The following LARGE1 variants were observed in gnomAD, a reference collection of about 807,000 sequenced individuals.
LARGE1 encodes xylosyl- and glucuronyltransferase LARGE1.
LARGE1 carries 43 observed loss-of-function variants against 87.6 expected under a neutral mutation model. The observed-to-expected ratio is 0.49, with a 90% confidence interval of 0.38 to 0.63. The LOEUF (loss-of-function observed/expected upper bound fraction) is 0.63. LARGE1 is among the 30% of genes least tolerant of loss of function. The pLI, the probability that LARGE1 is intolerant of heterozygous loss-of-function variation, is 0.00. For synonymous variants in LARGE1, 434 were observed against 394.6 expected (o/e 1.10, Z -1.18); for missense variants, 802 against 1,000.2 (o/e 0.80, Z 2.67).
At chr22:33,089,762 C>T in the LARGE1 span, among the ~76,000 whole-genome samples, 1 of 73,648 alleles carries the variant, frequency 1.4e-5, no homozygotes, top group Non-Finnish European at 2.4e-5. Flanking sequence ...CTCCCAAATG[C>T]TGGGATTACA....
At chr22:33,314,719 G>A (rs764242082) in intron 11 of LARGE1, among the ~76,000 whole-genome samples, 5 of 152,160 alleles carry the variant, frequency 3.3e-5, no homozygotes, top group Non-Finnish European at 7.3e-5. Flanking sequence ...TGTAGGAGCT[G>A]AGGGGGGATG....
chr22:33,663,698 T>C (rs542574263), intron 2 of LARGE1, among the ~76,000 whole-genome samples: 2 of 152,280 alleles, frequency 1.3e-5, no homozygotes, highest in South Asian at 4.1e-4. Flanking sequence ...CTTTCTGAAA[T>C]TGCTGGTGAA....
intron 9 of LARGE1, among the ~76,000 whole-genome samples, chr22:33,370,916 C>A (rs2064784537): frequency 6.7e-6 from 1 of 149,068 alleles, no homozygotes; most frequent in Non-Finnish European, 1.5e-5. Context: ...GAATAGTATT[C>A]ATATAACATA....
the LARGE1 span, among the ~76,000 whole-genome samples, chr22:33,152,808 G>T: frequency 6.6e-6 from 1 of 152,056 alleles, no homozygotes; most frequent in Non-Finnish European, 1.5e-5. Flanking sequence ...ACATATGTTA[G>T]TTCTTTAGAT....
At chr22:33,509,740 T>C (rs913648535) in intron 6 of LARGE1, among the ~76,000 whole-genome samples, 2 of 152,176 alleles carry the variant, frequency 1.3e-5, no homozygotes, top group Non-Finnish European at 2.9e-5. Flanking sequence ...GTGTGTGCCA[T>C]TGCGTCCAAG....
At chr22:33,282,216 A>G (rs1292100273) in intron 13 of LARGE1, among the ~76,000 whole-genome samples, 3 of 152,198 alleles carry the variant, frequency 2.0e-5, no homozygotes, top group East Asian at 1.9e-4. Flanking sequence ...ATGGTGGCAC[A>G]TGCCTGTAAT....
chr22:33,073,061 C>G, the LARGE1 span, among the ~76,000 whole-genome samples: 5 of 152,188 alleles, frequency 3.3e-5, no homozygotes, highest in Admixed American at 1.3e-4. Flanking sequence ...ATGGGAACAT[C>G]ATGTCAACTC....
At chr22:33,343,714 T>G (rs75181978) in intron 9 of LARGE1, among the ~76,000 whole-genome samples, 2,069 of 152,260 alleles carry the variant, frequency 0.014, 23 homozygotes, top group Non-Finnish European at 0.019. Flanking sequence ...ATTATCTTCA[T>G]TTTACAGAGG....
downstream of LARGE1, among the ~76,000 whole-genome samples, chr22:33,271,863 A>T (rs1441294188): frequency 6.6e-6 from 1 of 152,232 alleles, no homozygotes; most frequent in African/African-American, 2.4e-5. Flanking sequence ...TTACAGTGTA[A>T]GGCACCTGTC....
Position 33,198,636 on chromosome 22 carries a change from GACACACAC to G in LARGE1, c.1731-31812_1731-31805del, listed in dbSNP as rs71187250. ...CTTTTATAGTATATATATACACCGT[GACACACAC>G]ACACACACACACACACACACACACA... On this transcript the variant is annotated intron_variant, in intron 11 of 11. Transcript: ENST00000608642. Among the ~76,000 whole-genome samples, 880 of 137,712 alleles carry G rather than the reference GACACACAC, an allele frequency of 6.4e-3. 6 individuals carry two copies. Among genetic ancestry groups the G allele is most frequent in the African/African-American group, 9.9e-3 (327 of 32,928 alleles). 90.3% of individuals were successfully genotyped at this position (137,712 alleles called of 152,430 possible).
intron 2 of LARGE1, among the ~76,000 whole-genome samples, chr22:33,652,484 C>A (rs1034215078): frequency 6.6e-6 from 1 of 152,062 alleles, no homozygotes; most frequent in African/African-American, 2.4e-5. Flanking sequence ...AAGGCATACC[C>A]AAAGCTATCA....
intron 6 of LARGE1, among the ~76,000 whole-genome samples, chr22:33,434,658 C>T (rs1333532162): frequency 6.6e-6 from 1 of 152,162 alleles, no homozygotes; most frequent in Non-Finnish European, 1.5e-5. Context: ...AGGTCATCTT[C>T]AGATATCTGA....
At chr22:33,708,042 T>C (rs963148733) in intron 2 of LARGE1, among the ~76,000 whole-genome samples, 2 of 152,114 alleles carry the variant, frequency 1.3e-5, no homozygotes, top group African/African-American at 4.8e-5. Flanking sequence ...TCCAAGCTGC[T>C]GAGAAGGATC....
At chr22:33,080,010 C>A in the LARGE1 span, among the ~76,000 whole-genome samples, 4 of 152,118 alleles carry the variant, frequency 2.6e-5, no homozygotes, top group Non-Finnish European at 4.4e-5. Flanking sequence ...TTTCTTAGAG[C>A]CAGAGGTGGC....
At chr22:33,516,746 C>T (rs957964315) in intron 6 of LARGE1, among the ~76,000 whole-genome samples, 20 of 152,074 alleles carry the variant, frequency 1.3e-4, no homozygotes, top group South Asian at 4.2e-4. Context: ...GGCGCCACCA[C>T]GCCTGGCTAA....
At chr22:33,398,844 G>C (rs566830036) in intron 7 of LARGE1, among the ~76,000 whole-genome samples, 1 of 152,132 alleles carries the variant, frequency 6.6e-6, no homozygotes, top group South Asian at 2.1e-4. Context: ...GGAATGCCTG[G>C]TGCTACCAGA....
intron 14 of LARGE1, 103 bp downstream of exon 14, chr22:33,276,938 TCCTCAAGCATATCTTGTTC>T: frequency 1.1e-6 from 1 of 931,320 alleles, no homozygotes. Flanking sequence ...CTACCACTGG[TCCTCAAGCATATCTTGTTC>T]CCTCTTAGCT....
intron 11 of LARGE1, among the ~76,000 whole-genome samples, chr22:33,219,030 G>A (rs1925338350): frequency 6.6e-6 from 1 of 152,110 alleles, no homozygotes; most frequent in South Asian, 2.1e-4. Context: ...ACTCTAAGGA[G>A]CCCACCGTAA....
the LARGE1 span, among the ~76,000 whole-genome samples, chr22:33,111,378 C>G: frequency 6.6e-6 from 1 of 152,140 alleles, no homozygotes; most frequent in Non-Finnish European, 1.5e-5. Context: ...TCTTGCTGGG[C>G]TTTACCAAGG....
Sources: gnomAD v4.1 joint callset for allele counts (sites outside exome capture counted in the v4.1 genomes callset) on GRCh38, gnomAD v4.1.1 for gene constraint, MANE v1.5 for transcripts, NCBI Gene and HGNC (gene_info 2026-07-23, HGNC 2026-07-21) for gene names.